The following PRKN variants were observed in gnomAD, a reference collection of about 807,000 sequenced individuals.
PRKN encodes parkin RBR E3 ubiquitin protein ligase.
A neutral mutation model predicts 59.5 loss-of-function variants in PRKN; 56 were observed. The observed-to-expected ratio is 0.94, with a 90% confidence interval of 0.76 to 1.18. PRKN has a LOEUF of 1.18. Among genes scored for constraint, PRKN ranks in the 50% most tolerant of loss-of-function variants. The probability of loss-of-function intolerance (pLI) is 0.00; values close to 1 mark genes in which losing one functional copy is unlikely to be tolerated. For missense variants in PRKN, 657 were observed against 596.4 expected (o/e 1.10, Z -1.06); for synonymous variants, 250 against 222.1 (o/e 1.13, Z -1.12).
At chr6:162,618,969 C>A (rs919633519) in intron 1 of PRKN, among the ~76,000 whole-genome samples, 1 of 152,246 alleles carries the variant, frequency 6.6e-6, no homozygotes. Flanking sequence ...CATAGTGACA[C>A]TAGCATCTAT....
intron 1 of PRKN, among the ~76,000 whole-genome samples, chr6:162,536,940 C>A (rs772603559): frequency 2.0e-5 from 3 of 152,014 alleles, no homozygotes; most frequent in Non-Finnish European, 4.4e-5. Flanking sequence ...TATATGTACA[C>A]CAAAGTTTAA....
chr6:161,779,811 G>A (rs1037073248), intron 7 of PRKN, among the ~76,000 whole-genome samples: 2 of 151,876 alleles, frequency 1.3e-5, no homozygotes, highest in South Asian at 2.1e-4. Context: ...TATGCTCCAC[G>A]AATCAAGGCA....
rs938947096 is a variant in PRKN at position 161,459,832 on chromosome 6, T to A, written c.1084-72955A>T. The stretch of plus-strand genomic sequence containing the variant: ...GAGGCTTTCAATGACTTACCCCTAA[T>A]GGGAGATTTCTGGCCCAGAAATGGG... On this transcript the variant is annotated intron_variant, in intron 9 of 11. Coordinates refer to ENST00000366898, the MANE Select transcript of PRKN (RefSeq NM_004562.3). The surrounding 1 kb of genome is among the most constrained non-coding windows in gnomAD (Gnocchi z 4.8). Among the ~76,000 whole-genome samples, 3 of 152,196 alleles carry A rather than the reference T, an allele frequency of 2.0e-5. No homozygotes were observed. Among genetic ancestry groups the A allele is most frequent in the African/African-American group, 7.2e-5 (3 of 41,458 alleles).
At chr6:162,293,601 A>AC (rs1781534630) in intron 2 of PRKN, among the ~76,000 whole-genome samples, 1 of 152,124 alleles carries the variant, frequency 6.6e-6, no homozygotes, top group Non-Finnish European at 1.5e-5. Context: ...CTCTTCCTCC[A>AC]CCTCAAGCCC....
intron 2 of PRKN, among the ~76,000 whole-genome samples, chr6:162,366,763 G>A (rs566065090): frequency 6.6e-6 from 1 of 152,146 alleles, no homozygotes; most frequent in East Asian, 1.9e-4. Flanking sequence ...AAATTAGCTG[G>A]GTGTGGTGGT....
chr6:162,213,439 A>G (rs926129637), intron 3 of PRKN, among the ~76,000 whole-genome samples: 1 of 151,570 alleles, frequency 6.6e-6, no homozygotes, highest in Admixed American at 6.6e-5. Context: ...TCACAATAGT[A>G]AAACGATGCT....
rs1786631174 is a variant in PRKN at position 161,393,962 on chromosome 6, T to C, written c.1084-7085A>G. On this transcript the variant is annotated intron_variant, in intron 9 of 11. Coordinates refer to ENST00000366898, the MANE Select transcript of PRKN (RefSeq NM_004562.3). The surrounding 1 kb of genome is among the most constrained non-coding windows in gnomAD (Gnocchi z 4.7). The stretch of plus-strand genomic sequence containing the variant: ...ACATTTGTACTTCTTTGGGAATAGA[T>C]GAAATATTTTTCTTTTTGGTGTGTA... Among the ~76,000 whole-genome samples the C allele has an allele frequency of 6.6e-6, 1 of 152,182 alleles. No homozygotes were observed. Among genetic ancestry groups the C allele is most frequent in the Non-Finnish European group, 1.5e-5 (1 of 68,028 alleles).
At chr6:162,719,529 A>G (rs1047974627) in intron 1 of PRKN, among the ~76,000 whole-genome samples, 4 of 84,592 alleles carry the variant, frequency 4.7e-5, no homozygotes, top group Non-Finnish European at 7.2e-5. Context: ...TCATTCCTCA[A>G]TTTTGTTTCA....
chr6:161,540,998 G>T (rs534638062), intron 9 of PRKN, among the ~76,000 whole-genome samples: 6 of 152,306 alleles, frequency 3.9e-5, no homozygotes, highest in African/African-American at 1.4e-4. Flanking sequence ...TTTATTTCTG[G>T]AAAGTTTTTT....
intron 1 of PRKN, chr6:162,568,595 C>T: frequency 2.3e-6 from 2 of 869,336 alleles, no homozygotes; most frequent in East Asian, 2.5e-5. Flanking sequence ...AGGAGCAGAT[C>T]AGGACCCTCA....
chr6:161,844,656 C>G (rs578000689), intron 6 of PRKN, among the ~76,000 whole-genome samples: 13 of 152,356 alleles, frequency 8.5e-5, no homozygotes, highest in African/African-American at 3.1e-4. Context: ...TTGGACAGCA[C>G]AGAATAAGGC....
intron 7 of PRKN, among the ~76,000 whole-genome samples, chr6:161,638,352 C>G (rs1342884776): frequency 1.3e-5 from 2 of 152,148 alleles, no homozygotes; most frequent in Non-Finnish European, 2.9e-5. Flanking sequence ...CCAGGGTAGT[C>G]TCGAACTCCT....
chr6:162,293,221 C>G (rs974297731), intron 2 of PRKN, among the ~76,000 whole-genome samples: 1 of 152,168 alleles, frequency 6.6e-6, no homozygotes, highest in Non-Finnish European at 1.5e-5. Flanking sequence ...TTCCCTTCTT[C>G]AGGCAGAACA....
chr6:162,630,083 T>A (rs147020268), intron 1 of PRKN, among the ~76,000 whole-genome samples: 22 of 152,266 alleles, frequency 1.4e-4, no homozygotes, highest in African/African-American at 5.3e-4. Context: ...GTGCTAAAGG[T>A]GTTTGCTGAA....
intron 4 of PRKN, among the ~76,000 whole-genome samples, chr6:162,099,020 A>G (rs1342382373): frequency 7.1e-6 from 1 of 141,464 alleles, no homozygotes; most frequent in Non-Finnish European, 1.6e-5. Context: ...ATAGCTTTTA[A>G]TAAAAGCTCT....
intron 7 of PRKN, among the ~76,000 whole-genome samples, chr6:161,660,612 C>T (rs1056718977): frequency 5.3e-5 from 8 of 152,090 alleles, no homozygotes; most frequent in South Asian, 2.1e-4. Flanking sequence ...ACGTGAACAG[C>T]GGCAGTGGCC....
chr6:162,327,063 C>A (rs1398267044), intron 2 of PRKN, among the ~76,000 whole-genome samples: 1 of 152,094 alleles, frequency 6.6e-6, no homozygotes, highest in Non-Finnish European at 1.5e-5. Context: ...TATTTTATGA[C>A]CTAACAAACT....
intron 7 of PRKN, among the ~76,000 whole-genome samples, chr6:161,732,824 A>C (rs1316213079): frequency 1.3e-5 from 2 of 152,116 alleles, no homozygotes; most frequent in African/African-American, 4.8e-5. Context: ...TGTCTCGATG[A>C]CCTGGTCTCA....
chr6:161,806,650 T>A (rs2128212158), intron 6 of PRKN, among the ~76,000 whole-genome samples: 1 of 152,312 alleles, frequency 6.6e-6, no homozygotes, highest in East Asian at 1.9e-4. Context: ...GCTCTTATTC[T>A]GTAGGACGGA....
Sources: allele counts gnomAD v4.1 joint callset (sites outside exome capture counted in the v4.1 genomes callset), GRCh38; gene constraint gnomAD v4.1.1; non-coding constraint Gnocchi (gnomAD v3.1); transcripts MANE v1.5; gene names NCBI Gene and HGNC (gene_info 2026-07-23, HGNC 2026-07-21).